RIOK1: variants seen among roughly 807,000 people sequenced by gnomAD.
The protein encoded by RIOK1 is RIO kinase 1.
RIOK1 carries 66 observed loss-of-function variants against 73.5 expected under a neutral mutation model. That is an observed-to-expected ratio of 0.90 (90% CI 0.74 to 1.10). The LOEUF (loss-of-function observed/expected upper bound fraction) is 1.10. Ranked by LOEUF, RIOK1 falls within the 50% of genes least tolerant of loss-of-function variation. The pLI is 0.00. For synonymous variants in RIOK1, 224 were observed against 226.8 expected, an observed-to-expected ratio of 0.99 and a Z score of 0.11; for missense variants, 658 against 699.8, an observed-to-expected ratio of 0.94 and a Z score of 0.67.
intron 2 of RIOK1, 145 bp downstream of exon 2, chr6:7,393,448 C>T (rs1761393335): frequency 1.6e-6 from 1 of 643,290 alleles, no homozygotes; most frequent in Admixed American, 2.8e-5. Context: ...TACTGATTTT[C>T]ACTTTTCATC....
intron 1 of RIOK1, 44 bp downstream of exon 1, chr6:7,390,117 C>T: frequency 6.6e-7 from 1 of 1,509,828 alleles, no homozygotes; most frequent in Non-Finnish European, 9.0e-7. Context: ...CGGCTCTCTC[C>T]TTGACCGCCC....
At chr6:7,390,141 A>G in intron 1 of RIOK1, 68 bp downstream of exon 1, 2 of 1,335,750 alleles carry the variant, frequency 1.5e-6, no homozygotes, top group South Asian at 1.3e-5. Context: ...TGGGGTGTGG[A>G]CTCTTGTTTG....
intron 1 of RIOK1, chr6:7,392,892 A>G (rs889955826): frequency 1.0e-6 from 1 of 983,750 alleles, no homozygotes; most frequent in South Asian, 4.7e-5. Flanking sequence ...GGCTTTGGGC[A>G]TGGAGAATGA....
chr6:7,408,573 A>G (rs1761806013), intron 12 of RIOK1, among the ~76,000 whole-genome samples: 1 of 152,138 alleles, frequency 6.6e-6, no homozygotes, highest in Non-Finnish European at 1.5e-5. Context: ...GTCACCCTCA[A>G]TTATGAACTT....
intron 12 of RIOK1, among the ~76,000 whole-genome samples, chr6:7,406,625 T>TC (rs751099960): frequency 3.3e-5 from 5 of 152,220 alleles, no homozygotes; most frequent in African/African-American, 4.8e-5. Context: ...TATGATGTCT[T>TC]CAAGATTCAT....
At position 7,390,295 on chromosome 6, in the gene RIOK1, C is replaced by A. The variant is rs555810879; in HGVS notation, c.71+222C>A. On this transcript the variant is annotated intron_variant, in intron 1 of 16. Coordinates refer to ENST00000379834, the MANE Select transcript of RIOK1 (RefSeq NM_031480.3). Reference sequence around the variant, plus strand: ...ACTTGTCAAGGGAGTCTGCGGTTCTCAGGTCGGTTAGCGTCACTGGGAGGC... The same window carrying A: ...ACTTGTCAAGGGAGTCTGCGGTTCTAAGGTCGGTTAGCGTCACTGGGAGGC... Among the ~76,000 whole-genome samples the A allele has an allele frequency of 4.6e-5, 7 of 152,292 alleles. No homozygotes were observed. In the South Asian group the frequency reaches 1.4e-3, roughly 32 times the overall value.
chr6:7,404,890 C>A, intron 10 of RIOK1, 28 bp from the exon 11 acceptor site: 1 of 1,556,466 alleles, frequency 6.4e-7, no homozygotes, highest in Non-Finnish European at 8.9e-7. Flanking sequence ...TAATACCATC[C>A]CACAGCTTCT....
At chr6:7,404,685 G>C in intron 10 of RIOK1, 130 bp downstream of exon 10, 1 of 1,171,164 alleles carries the variant, frequency 8.5e-7, no homozygotes. Context: ...AATGGTATAA[G>C]ATAGGATTCC....
chr6:7,414,114 A>T, intron 15 of RIOK1, 124 bp from the exon 16 acceptor site: 1 of 778,322 alleles, frequency 1.3e-6, no homozygotes, highest in Non-Finnish European at 2.0e-6. Flanking sequence ...TCAGTACAGG[A>T]TGTTAGTTTT....
chr6:7,396,892 G>GTGTGT, intron 4 of RIOK1, 120 bp downstream of exon 4: 6 of 415,784 alleles, frequency 1.4e-5, no homozygotes, highest in South Asian at 5.1e-5. Flanking sequence ...TCATTATTTT[G>GTGTGT]GTGTGTGTGT....
chr6:7,413,678 C>G (rs917258945), intron 15 of RIOK1, among the ~76,000 whole-genome samples: 5 of 152,122 alleles, frequency 3.3e-5, no homozygotes, highest in African/African-American at 7.2e-5. Context: ...GCTAGAAAAT[C>G]TTGTTGTACA....
chr6:7,413,049 GTTATT>G, intron 15 of RIOK1, 107 bp downstream of exon 15: 1 of 544,354 alleles, frequency 1.8e-6, no homozygotes. Context: ...AGAACTAAAT[GTTATT>G]TTATATTGTT....
At chr6:7,408,323 C>T (rs1207836391) in intron 12 of RIOK1, among the ~76,000 whole-genome samples, 2 of 152,230 alleles carry the variant, frequency 1.3e-5, no homozygotes, top group South Asian at 2.1e-4. Flanking sequence ...AGGCATAAGT[C>T]GCCTTGCCTG....
chr6:7,395,848 C>T (rs1173019574), intron 3 of RIOK1, among the ~76,000 whole-genome samples: 1 of 151,922 alleles, frequency 6.6e-6, no homozygotes, highest in Admixed American at 6.6e-5. Flanking sequence ...TAGCTAGGAC[C>T]ACAGGTGCAC....
At chr6:7,399,530 C>A (rs571648358) in intron 5 of RIOK1, among the ~76,000 whole-genome samples, 3 of 152,284 alleles carry the variant, frequency 2.0e-5, no homozygotes, top group Admixed American at 6.5e-5. Context: ...GCAGGAAATT[C>A]TTTTTCTCTT....
chr6:7,404,084 T>G, intron 9 of RIOK1, 57 bp downstream of exon 9: 1 of 1,172,064 alleles, frequency 8.5e-7, no homozygotes, highest in African/African-American at 1.5e-5. Context: ...TTAAGTTCTT[T>G]GAGTTTATCC....
chr6:7,394,368 A>T (rs976865103), intron 2 of RIOK1, among the ~76,000 whole-genome samples: 3 of 152,200 alleles, frequency 2.0e-5, no homozygotes, highest in African/African-American at 7.2e-5. Context: ...CAGGAGGCGG[A>T]GGTTGCAGTG....
At chr6:7,410,673 T>C (rs1305655310) in intron 13 of RIOK1, among the ~76,000 whole-genome samples, 1 of 152,242 alleles carries the variant, frequency 6.6e-6, no homozygotes, top group African/African-American at 2.4e-5. Flanking sequence ...TAGCCCATTG[T>C]CCTAGATGGA....
chr6:7,403,873 G>A (rs771167677), intron 8 of RIOK1, 68 bp from the exon 9 acceptor site: 35 of 988,176 alleles, frequency 3.5e-5, no homozygotes, highest in Admixed American at 2.5e-4. Flanking sequence ...CTTGGGACCT[G>A]CAGTTGTAAT....
Sources: gnomAD v4.1 joint callset for allele counts (sites outside exome capture counted in the v4.1 genomes callset) on GRCh38, gnomAD v4.1.1 for gene constraint, MANE v1.5 for transcripts, NCBI Gene and HGNC (gene_info 2026-07-23, HGNC 2026-07-21) for gene names.